TBC1D9: variants seen among roughly 807,000 people sequenced by gnomAD.
The protein encoded by TBC1D9 is TBC1 domain family member 9A.
Under a neutral mutation model 132.0 loss-of-function variants are expected in TBC1D9, and 63 were observed. The ratio of observed to expected loss-of-function variants is 0.48; its 90% CI spans 0.39 to 0.59. The LOEUF is 0.59. Among genes scored for constraint, TBC1D9 ranks in the 20% least tolerant of loss-of-function variants. The pLI is 0.00. For synonymous variants in TBC1D9, 610 were observed against 609.9 expected (o/e 1.00, Z 0.00); for missense variants, 1,261 against 1,592.7 (o/e 0.79, Z 3.54).
chr4:140,700,036 C>T (rs923396060), intron 2 of TBC1D9, among the ~76,000 whole-genome samples: 1 of 152,104 alleles, frequency 6.6e-6, no homozygotes, highest in Non-Finnish European at 1.5e-5. Context: ...GTGGCTCATG[C>T]TTGCAATCCC....
At chr4:140,676,363 T>C (rs1260202211) in intron 6 of TBC1D9, among the ~76,000 whole-genome samples, 1 of 152,146 alleles carries the variant, frequency 6.6e-6, no homozygotes, top group Non-Finnish European at 1.5e-5. Flanking sequence ...TAATAAAACC[T>C]ACATTTAGGC....
chr4:140,663,943 T>C (rs1293601248), intron 9 of TBC1D9, among the ~76,000 whole-genome samples: 1 of 150,418 alleles, frequency 6.6e-6, no homozygotes, highest in African/African-American at 2.4e-5. Flanking sequence ...TTATAAGAAA[T>C]GAAAATGTTC....
At chr4:140,748,036 T>TA (rs564855172) in intron 1 of TBC1D9, among the ~76,000 whole-genome samples, 79 of 152,002 alleles carry the variant, frequency 5.2e-4, no homozygotes, top group Middle Eastern at 3.4e-3. Flanking sequence ...TAGCCAGACA[T>TA]AAAAAATGAC....
chr4:140,632,677 C>A (rs1175539945), intron 16 of TBC1D9, among the ~76,000 whole-genome samples: 1 of 152,098 alleles, frequency 6.6e-6, no homozygotes, highest in African/African-American at 2.4e-5. Context: ...ATAATAGTAG[C>A]AAGCAGGTAG....
chr4:140,626,016 T>C (rs1414860067), intron 18 of TBC1D9, among the ~76,000 whole-genome samples: 1 of 152,234 alleles, frequency 6.6e-6, no homozygotes, highest in African/African-American at 2.4e-5. Flanking sequence ...TTCAATGATA[T>C]TACATGCTAT....
rs1220526160 is a variant in TBC1D9, at chr4:140,622,357, G to A, written c.3639C>T (p.Phe1213=). 6 of 1,613,570 alleles carry A rather than the reference G, an allele frequency of 3.7e-6. No individual in the cohort carries two copies. In the South Asian group the frequency reaches 5.5e-5, roughly 15 times the overall value. ...TTAAGAGGGAGGCCAGGAACTGCTC[G>A]AAGGTGATGGCCCAGTCCCGGTCCA... ...TSLDRDWAIT[F]EQFLASLLTE... The change falls in exon 21 of 21, where the codon TTC becomes TTT. Residue 1213 remains phenylalanine (F), a synonymous_variant. Transcript: ENST00000442267.
chr4:140,641,643 G>GT (rs1736997456), intron 13 of TBC1D9, among the ~76,000 whole-genome samples: 1 of 152,068 alleles, frequency 6.6e-6, no homozygotes, highest in Non-Finnish European at 1.5e-5. Context: ...ACTCGGGGTA[G>GT]GGGGAGGAGG....
intron 13 of TBC1D9, among the ~76,000 whole-genome samples, chr4:140,654,244 G>T (rs1437195358): frequency 6.6e-6 from 1 of 152,180 alleles, no homozygotes; most frequent in Non-Finnish European, 1.5e-5. Context: ...CTGGGGTCGG[G>T]TTGTACAATC....
Position 140,642,733 on chromosome 4 carries a change from T to A in TBC1D9, c.2338-3305A>T, listed in dbSNP as rs141541161. The stretch of plus-strand genomic sequence containing the variant: ...CCTTGGGCCCTTTGTGTCTCTTCCT[T>A]ATTCCTGCTCCCAGCTCATAGTCAT... On this transcript the variant is annotated intron_variant, in intron 13 of 20. Transcript: ENST00000442267. The A allele has an allele frequency of 1.8e-4, 120 of 652,314 alleles. No individual in the cohort carries two copies. In the African/African-American group the frequency reaches 2.0e-3, roughly 11 times the overall value. The allele number at this position is 652,314 out of a possible 1,614,324, so 40.4% of individuals were successfully genotyped here. A position where few individuals can be genotyped will look rare whatever the true frequency, so the allele number is the denominator to read the frequency against.
chr4:140,700,788 C>T (rs1409725204), intron 2 of TBC1D9: 1 of 152,000 alleles, frequency 6.6e-6, no homozygotes, highest in Non-Finnish European at 1.5e-5. Flanking sequence ...CCACTGCACT[C>T]CAGCCTAGGT....
intron 1 of TBC1D9, among the ~76,000 whole-genome samples, chr4:140,722,888 T>C (rs1039053756): frequency 2.6e-5 from 4 of 152,212 alleles, no homozygotes; most frequent in African/African-American, 9.6e-5. Flanking sequence ...CCCCATTGAG[T>C]TATAGCTTAT....
intron 2 of TBC1D9, among the ~76,000 whole-genome samples, chr4:140,690,171 G>A (rs10006746): frequency 0.64 from 96,513 of 151,868 alleles, 30,892 homozygotes; most frequent in Non-Finnish European, 0.67. Context: ...TGTACCTCCA[G>A]CCTTCACTGA....
chr4:140,702,794 C>A (rs970399792), intron 1 of TBC1D9, among the ~76,000 whole-genome samples: 1 of 152,280 alleles, frequency 6.6e-6, no homozygotes, highest in East Asian at 1.9e-4. Context: ...AAAGATGAAT[C>A]CAAAAGATTC....
At chr4:140,688,994 TGCCA>T (rs1737831382) in intron 2 of TBC1D9, among the ~76,000 whole-genome samples, 1 of 151,972 alleles carries the variant, frequency 6.6e-6, no homozygotes, top group African/African-American at 2.4e-5. Context: ...GCAGAATAAA[TGCCA>T]GCCATGAATC....
At chr4:140,742,263 G>A (rs1738769889) in intron 1 of TBC1D9, among the ~76,000 whole-genome samples, 1 of 152,164 alleles carries the variant, frequency 6.6e-6, no homozygotes, top group Non-Finnish European at 1.5e-5. Context: ...GCCGGGCACA[G>A]TGGCTCACAC....
chr4:140,708,903 T>C (rs1302981978), intron 1 of TBC1D9, among the ~76,000 whole-genome samples: 1 of 152,128 alleles, frequency 6.6e-6, no homozygotes, highest in African/African-American at 2.4e-5. Context: ...GCAGGTATTA[T>C]TGGCAATAGG....
chr4:140,711,795 T>A (rs1483597865), intron 1 of TBC1D9, among the ~76,000 whole-genome samples: 1 of 152,132 alleles, frequency 6.6e-6, no homozygotes, highest in African/African-American at 2.4e-5. Context: ...ATGATCCCAA[T>A]TTGTCTAAAA....
chr4:140,720,182 C>A (rs1412768894), intron 1 of TBC1D9, among the ~76,000 whole-genome samples: 1 of 152,176 alleles, frequency 6.6e-6, no homozygotes, highest in Non-Finnish European at 1.5e-5. Context: ...AGCAGTAAGT[C>A]CATCAGCTCA....
chr4:140,655,654 G>A (rs1737256254), intron 13 of TBC1D9, among the ~76,000 whole-genome samples: 1 of 152,192 alleles, frequency 6.6e-6, no homozygotes, highest in African/African-American at 2.4e-5. Context: ...AAGGGGGAAA[G>A]TGGCACTGTG....
Sources: allele counts gnomAD v4.1 joint callset (sites outside exome capture counted in the v4.1 genomes callset), GRCh38; gene constraint gnomAD v4.1.1; transcripts MANE v1.5; gene names NCBI Gene and HGNC (gene_info 2026-07-23, HGNC 2026-07-21).